POLK: variants seen among roughly 807,000 people sequenced by gnomAD.
POLK encodes the protein polymerase (DNA directed) kappa.
POLK carries 76 observed loss-of-function variants against 94.0 expected under a neutral mutation model. The ratio of observed to expected loss-of-function variants is 0.81; its 90% CI spans 0.67 to 0.98. The LOEUF is 0.98. Among genes scored for constraint, POLK ranks in the 50% least tolerant of loss-of-function variants. POLK has a pLI of 0.00. For missense variants in POLK, 954 were observed against 1,010.1 expected (o/e 0.94, Z 0.75); for synonymous variants, 349 against 325.4 (o/e 1.07, Z -0.78).
At chr5:75,604,060 G>C (rs1773361252), downstream of POLK, among the ~76,000 whole-genome samples, 1 of 152,176 alleles carries the variant, frequency 6.6e-6, no homozygotes, top group African/African-American at 2.4e-5. Context: ...TTGTTGACAT[G>C]TAAATGAATA....
chr5:75,573,210 T>G (rs436888), intron 4 of POLK, among the ~76,000 whole-genome samples: 148,381 of 152,170 alleles, frequency 0.98, 72,368 homozygotes, highest in East Asian at 1. Flanking sequence ...CATGTCCTTT[T>G]TAGGGACATG....
intron 8 of POLK, 67 bp from the exon 9 acceptor site, chr5:75,584,693 A>G: frequency 1.2e-6 from 1 of 854,874 alleles, no homozygotes; most frequent in Non-Finnish European, 1.8e-6. Context: ...AAGTGTAATG[A>G]GGTTGTAATC....
intron 3 of POLK, among the ~76,000 whole-genome samples, chr5:75,554,914 A>T (rs886807318): frequency 7.2e-5 from 11 of 152,210 alleles, no homozygotes; most frequent in Non-Finnish European, 1.5e-4. Flanking sequence ...ATTGGTGAGC[A>T]TATAGATTGA....
intron 10 of POLK, among the ~76,000 whole-genome samples, chr5:75,589,374 TATATATACACAC>T (rs1324351374): frequency 5.6e-5 from 7 of 124,846 alleles, no homozygotes; most frequent in African/African-American, 2.2e-4. Flanking sequence ...GCTTATTTTA[TATATATACACAC>T]ATACACACAC....
Position 75,553,295 on chromosome 5 carries a change from A to T in POLK, c.255+704A>T, listed in dbSNP as rs563492210. Among the ~76,000 whole-genome samples, 24 of 152,262 alleles carry T rather than the reference A, an allele frequency of 1.6e-4. No homozygotes were observed. In the East Asian group the frequency reaches 4.6e-3, roughly 29 times the overall value. ...CAAATTTCTGATAGTAAAACAAGTCATGGCAAGAGGAATTTGCTCTTTATC... is the reference window on the plus strand; with the variant it reads ...CAAATTTCTGATAGTAAAACAAGTCTTGGCAAGAGGAATTTGCTCTTTATC... On this transcript the variant is annotated intron_variant, in intron 3 of 14. Coordinates refer to ENST00000241436, the Ensembl canonical transcript of POLK.
intron 2 of POLK, among the ~76,000 whole-genome samples, chr5:75,548,775 A>G (rs891027628): frequency 2.0e-5 from 3 of 152,144 alleles, no homozygotes; most frequent in South Asian, 2.1e-4. Context: ...ACATATATAC[A>G]TAGAAGTTGG....
At chr5:75,526,558 A>C (rs1211144262) in intron 1 of POLK, among the ~76,000 whole-genome samples, 3 of 147,738 alleles carry the variant, frequency 2.0e-5, no homozygotes, top group Non-Finnish European at 4.4e-5. Flanking sequence ...CTTCTGATTT[A>C]ATGGGTTTTT....
At chr5:75,554,929 A>C (rs1016725429) in intron 3 of POLK, among the ~76,000 whole-genome samples, 1 of 152,140 alleles carries the variant, frequency 6.6e-6, no homozygotes, top group Non-Finnish European at 1.5e-5. Context: ...GATTGATTCC[A>C]TGTCTTTGCT....
At chr5:75,531,206 T>A (rs1769163770) in intron 1 of POLK, among the ~76,000 whole-genome samples, 1 of 151,836 alleles carries the variant, frequency 6.6e-6, no homozygotes, top group African/African-American at 2.4e-5. Flanking sequence ...GCATCAATTA[T>A]TCTGTTGATC....
chr5:75,595,248 G>GAAAAAAAAAAAAAAAAAA (rs58783164), intron 12 of POLK, among the ~76,000 whole-genome samples: 3 of 24,882 alleles, frequency 1.2e-4, no homozygotes, highest in Non-Finnish European at 1.8e-4. Flanking sequence ...CTCCACCTCA[G>GAAAAAAAAAAAAAAAAAA]AAAAAAAAAA....
At chr5:75,511,501 G>GC, upstream of POLK, 1 of 1,486,450 alleles carries the variant, frequency 6.7e-7, no homozygotes, top group Non-Finnish European at 8.9e-7. Flanking sequence ...CCCGAACTTA[G>GC]CCCCCTCGAT....
rs58797043 is a variant in POLK at position 75,527,502 on chromosome 5, TACACACACACACAC to T, written c.-14+15614_-14+15627del. ...CTCAAAAAAAAAAAAAATTTATATA[TACACACACACACAC>T]ACACACACACACACACACACACACA... On this transcript the variant is annotated intron_variant, in intron 1 of 14. Transcript: ENST00000241436. Among the ~76,000 whole-genome samples the T allele has an allele frequency of 6.4e-3, 851 of 133,026 alleles. 6 individuals carry two copies. The highest frequency in any genetic ancestry group is 9.4e-3 in the Non-Finnish European group (591 of 63,172). The allele number at this position is 133,026 out of a possible 152,430, so 87.3% of individuals were successfully genotyped here.
intron 8 of POLK, 48 bp from the exon 9 acceptor site, chr5:75,584,712 T>C (rs373311923): frequency 1.8e-5 from 20 of 1,118,448 alleles, no homozygotes; most frequent in Non-Finnish European, 2.4e-5. Flanking sequence ...TCTCAATTTT[T>C]AGCTTCACTT....
intron 3 of POLK, among the ~76,000 whole-genome samples, chr5:75,566,002 T>C (rs1406656370): frequency 6.6e-6 from 1 of 152,184 alleles, no homozygotes; most frequent in Admixed American, 6.5e-5. Flanking sequence ...CCTAGGGAGA[T>C]GGGAGTTTTA....
intron 3 of POLK, among the ~76,000 whole-genome samples, chr5:75,563,652 T>C (rs1031870387): frequency 6.6e-6 from 1 of 152,184 alleles, no homozygotes; most frequent in Non-Finnish European, 1.5e-5. Flanking sequence ...TAATTTCATA[T>C]TTATCCAGGA....
intron 1 of POLK, among the ~76,000 whole-genome samples, chr5:75,520,537 G>C (rs539185683): frequency 1.3e-5 from 2 of 152,226 alleles, no homozygotes; most frequent in African/African-American, 4.8e-5. Flanking sequence ...TGGGACTACA[G>C]GCATTTGCCA....
In POLK at chr5:75,541,852, T is replaced by G. The variant is rs1295450027; in HGVS notation, c.-13-5158T>G. Among the ~76,000 whole-genome samples, 5 of 152,348 alleles carry G rather than the reference T, an allele frequency of 3.3e-5. 1 individual carries two copies. Among genetic ancestry groups the G allele is most frequent in the Admixed American group, 3.3e-4 (5 of 15,306 alleles). Reference sequence around the variant, plus strand: ...TGGTTTCAGTGTATGTTTTCATGTATCTGTATGTAAAATAATTGAAGAACA... The same window carrying G: ...TGGTTTCAGTGTATGTTTTCATGTAGCTGTATGTAAAATAATTGAAGAACA... On this transcript the variant is annotated intron_variant, in intron 1 of 14. Transcript: ENST00000241436.
intron 1 of POLK, among the ~76,000 whole-genome samples, chr5:75,525,667 A>G (rs1768804733): frequency 6.6e-6 from 1 of 152,248 alleles, no homozygotes. Context: ...AAACATACAT[A>G]GAGGAACAAC....
rs200086620 is a variant in POLK at position 75,532,575 on chromosome 5, C to T, written c.-13-14435C>T. Among the ~76,000 whole-genome samples, 7 of 152,114 alleles carry T rather than the reference C, an allele frequency of 4.6e-5. No homozygotes were observed. In the East Asian group the frequency reaches 9.7e-4, roughly 21 times the overall value. On this transcript the variant is annotated intron_variant, in intron 1 of 14. Transcript: ENST00000241436. ...CATGCATGTGTCTTTTATGGTAGAA[C>T]GATGTATATTCCTTTGGATATATAC...
Sources: allele counts gnomAD v4.1 joint callset (sites outside exome capture counted in the v4.1 genomes callset), GRCh38; gene constraint gnomAD v4.1.1; transcripts MANE v1.5; gene names NCBI Gene and HGNC (gene_info 2026-07-23, HGNC 2026-07-21).